The following SPIDR variants were observed in gnomAD, a reference collection of about 807,000 sequenced individuals.
The protein encoded by SPIDR is DNA repair-scaffolding protein.
SPIDR carries 93 observed loss-of-function variants against 104.6 expected under a neutral mutation model. The ratio of observed to expected loss-of-function variants is 0.89; its 90% CI spans 0.75 to 1.06. SPIDR has a LOEUF of 1.06. Ranked by LOEUF, SPIDR falls within the 50% of genes least tolerant of loss-of-function variation. The pLI is 0.00. For missense variants in SPIDR, 1,154 were observed against 1,111.2 expected, an observed-to-expected ratio of 1.04 and a Z score of -0.55; for synonymous variants, 431 against 416.9, an observed-to-expected ratio of 1.03 and a Z score of -0.41.
chr8:47,299,128 A>G (rs1474742792), intron 5 of SPIDR, among the ~76,000 whole-genome samples: 2 of 150,656 alleles, frequency 1.3e-5, no homozygotes, highest in South Asian at 2.1e-4. Context: ...CTTTTATTTC[A>G]TTGAGCAGTG....
chr8:47,291,005 A>G, intron 3 of SPIDR, 28 bp from the exon 4 acceptor site: 1 of 1,557,268 alleles, frequency 6.4e-7, no homozygotes, highest in Non-Finnish European at 8.8e-7. Flanking sequence ...AGGAGATCAT[A>G]TTTATGTGCT....
rs534361163 is a variant in SPIDR, at chr8:47,464,212, A to G, written c.1097+23670A>G. ...CAATGCAGATTAATATACAAAAATTAGTTGGATTTTTATCAATAGCAGTGC... is the reference window on the plus strand; with the variant it reads ...CAATGCAGATTAATATACAAAAATTGGTTGGATTTTTATCAATAGCAGTGC... On this transcript the variant is annotated intron_variant, in intron 8 of 19. Coordinates refer to ENST00000297423, the MANE Select transcript of SPIDR (RefSeq NM_001080394.4). Among the ~76,000 whole-genome samples, 3 of 152,236 alleles carry G rather than the reference A, an allele frequency of 2.0e-5. No homozygotes were observed. The South Asian group carries it at 6.2e-4, about 32-fold the overall frequency.
At chr8:47,631,832 AC>A (rs2067116387) in intron 10 of SPIDR, among the ~76,000 whole-genome samples, 1 of 152,206 alleles carries the variant, frequency 6.6e-6, no homozygotes, top group South Asian at 2.1e-4. Flanking sequence ...TTCAGCCCTT[AC>A]CTCGGGATGG....
At chr8:47,581,694 G>C (rs1387569997) in intron 8 of SPIDR, among the ~76,000 whole-genome samples, 1 of 152,020 alleles carries the variant, frequency 6.6e-6, no homozygotes, top group East Asian at 1.9e-4. Flanking sequence ...TATATTTTCT[G>C]ACAACTTCAG....
chr8:47,471,574 G>A (rs971840321), intron 8 of SPIDR, among the ~76,000 whole-genome samples: 3 of 152,012 alleles, frequency 2.0e-5, no homozygotes, highest in African/African-American at 7.2e-5. Flanking sequence ...AATATAAGAA[G>A]GCACAATTAC....
intron 8 of SPIDR, among the ~76,000 whole-genome samples, chr8:47,525,153 G>A (rs979999515): frequency 3.9e-5 from 6 of 152,218 alleles, no homozygotes; most frequent in African/African-American, 1.4e-4. Flanking sequence ...TGCTGTTAAA[G>A]TACAGAGCAA....
chr8:47,594,860 G>A (rs574145253), intron 8 of SPIDR, among the ~76,000 whole-genome samples: 1 of 152,066 alleles, frequency 6.6e-6, no homozygotes, highest in Admixed American at 6.6e-5. Flanking sequence ...ACTGGGCATG[G>A]TGATTCATGC....
intron 8 of SPIDR, among the ~76,000 whole-genome samples, chr8:47,568,858 A>C (rs2058199324): frequency 6.6e-6 from 1 of 152,232 alleles, no homozygotes; most frequent in South Asian, 2.1e-4. Context: ...AAGCCCAAAC[A>C]TGGAGTGGAG....
chr8:47,426,200 G>T, intron 7 of SPIDR, among the ~76,000 whole-genome samples: 1 of 152,176 alleles, frequency 6.6e-6, no homozygotes, highest in East Asian at 1.9e-4. Context: ...TTTGCAGTGA[G>T]CTGAGATCAT....
At chr8:47,456,327 G>A (rs1290059546) in intron 8 of SPIDR, among the ~76,000 whole-genome samples, 6 of 152,146 alleles carry the variant, frequency 3.9e-5, no homozygotes, top group Admixed American at 3.9e-4. Context: ...AGAGGCCTCA[G>A]AATAAACCAG....
intron 8 of SPIDR, among the ~76,000 whole-genome samples, chr8:47,565,269 A>G (rs1191823476): frequency 6.6e-6 from 1 of 152,098 alleles, no homozygotes; most frequent in Non-Finnish European, 1.5e-5. Context: ...GAGAAGAGAG[A>G]AGAGAGAGAA....
chr8:47,502,525 C>T (rs1437998344), intron 8 of SPIDR, among the ~76,000 whole-genome samples: 1 of 152,038 alleles, frequency 6.6e-6, no homozygotes, highest in African/African-American at 2.4e-5. Flanking sequence ...TTTGATTCTT[C>T]TCTCTTTTCT....
At position 47,299,170 on chromosome 8, in the gene SPIDR, G is replaced by A. The variant is rs1554575318; in HGVS notation, c.525+5140G>A. Among the ~76,000 whole-genome samples, 13 of 151,778 alleles carry A rather than the reference G, an allele frequency of 8.6e-5. No homozygotes were observed. The East Asian group carries it at 1.4e-3, about 16-fold the overall frequency. ...AGTTCTCCTTGAAGAGGTCCTTCACGTCTCTTGTAAGTTGGAATCCTAGGT... is the reference window on the plus strand; with the variant it reads ...AGTTCTCCTTGAAGAGGTCCTTCACATCTCTTGTAAGTTGGAATCCTAGGT... On this transcript the variant is annotated intron_variant, in intron 5 of 19. Transcript: ENST00000297423.
chr8:47,534,491 A>T (rs1336730586), intron 8 of SPIDR, among the ~76,000 whole-genome samples: 7 of 152,182 alleles, frequency 4.6e-5, no homozygotes. Context: ...ACATGGTTGG[A>T]GCTGGAGCCT....
chr8:47,642,139 T>C (rs920849037), intron 10 of SPIDR, among the ~76,000 whole-genome samples: 1 of 152,164 alleles, frequency 6.6e-6, no homozygotes, highest in Non-Finnish European at 1.5e-5. Context: ...GAATTCGACA[T>C]GTGGCTGGGC....
chr8:47,671,472 C>T (rs575129586), intron 10 of SPIDR, among the ~76,000 whole-genome samples: 2 of 152,028 alleles, frequency 1.3e-5, no homozygotes, highest in South Asian at 4.2e-4. Flanking sequence ...GTAATCACAG[C>T]TACTCAGGAG....
intron 10 of SPIDR, chr8:47,654,045 CAGAT>C (rs1282159681): frequency 7.8e-7 from 1 of 1,289,328 alleles, no homozygotes; most frequent in Non-Finnish European, 1.0e-6. Context: ...GGAGCCAAGA[CAGAT>C]AGGGGCGTGG....
intron 5 of SPIDR, among the ~76,000 whole-genome samples, chr8:47,395,720 C>T (rs150735289): frequency 6.6e-6 from 1 of 151,880 alleles, no homozygotes; most frequent in African/African-American, 2.4e-5. Flanking sequence ...TATAATTATA[C>T]AGTTTTCAAA....
chr8:47,540,586 A>T (rs1461191645), intron 8 of SPIDR, among the ~76,000 whole-genome samples: 5 of 152,086 alleles, frequency 3.3e-5, no homozygotes, highest in African/African-American at 7.2e-5. Context: ...CTCTAACTAC[A>T]TCTTTAGTTT....
Sources: gnomAD v4.1 joint callset for allele counts (sites outside exome capture counted in the v4.1 genomes callset) on GRCh38, gnomAD v4.1.1 for gene constraint, MANE v1.5 for transcripts, NCBI Gene and HGNC (gene_info 2026-07-23, HGNC 2026-07-21) for gene names.